Variants in DSCAM observed in about 807,000 individuals in gnomAD.
DSCAM encodes DS cell adhesion molecule.
DSCAM carries 47 observed loss-of-function variants against 217.7 expected under a neutral mutation model. The ratio of observed to expected loss-of-function variants is 0.22; its 90% CI spans 0.17 to 0.28. The LOEUF (loss-of-function observed/expected upper bound fraction) is 0.28, where lower values mean the gene tolerates loss of function less well. Among genes scored for constraint, DSCAM ranks in the 10% least tolerant of loss-of-function variants. The pLI, the probability that DSCAM is intolerant of heterozygous loss-of-function variation, is 1.00. For missense variants in DSCAM, 2,080 were observed against 2,618.3 expected, an observed-to-expected ratio of 0.79 and a Z score of 4.49; for synonymous variants, 1,056 against 1,015.3, an observed-to-expected ratio of 1.04 and a Z score of -0.76.
intron 3 of DSCAM, among the ~76,000 whole-genome samples, chr21:40,564,304 C>T (rs1398160845): frequency 6.6e-6 from 1 of 152,188 alleles, no homozygotes; most frequent in Non-Finnish European, 1.5e-5. Context: ...ATGAATTTTC[C>T]TGTGAGGAAC....
intron 3 of DSCAM, among the ~76,000 whole-genome samples, chr21:40,536,704 T>C (rs889265981): frequency 6.6e-6 from 1 of 152,166 alleles, no homozygotes; most frequent in Non-Finnish European, 1.5e-5. Context: ...CTGCACCCGG[T>C]CCCGGTAGAT....
intron 30 of DSCAM, among the ~76,000 whole-genome samples, chr21:40,047,767 A>ATATT (rs2088865437): frequency 6.6e-6 from 1 of 152,188 alleles, no homozygotes; most frequent in South Asian, 2.1e-4. Flanking sequence ...TAACTAAAAA[A>ATATT]TATTTATCTA....
chr21:40,295,642 C>T (rs769134347), intron 10 of DSCAM, among the ~76,000 whole-genome samples: 14 of 152,170 alleles, frequency 9.2e-5, no homozygotes, highest in Admixed American at 2.0e-4. Context: ...TTTCTAAACC[C>T]ACTCATCTCT....
At chr21:40,315,283 A>G (rs1420016983) in intron 8 of DSCAM, among the ~76,000 whole-genome samples, 1 of 152,018 alleles carries the variant, frequency 6.6e-6, no homozygotes, top group Non-Finnish European at 1.5e-5. Flanking sequence ...GTGCACCTAT[A>G]GTCCCAGCTA....
intron 3 of DSCAM, among the ~76,000 whole-genome samples, chr21:40,518,281 TC>T (rs1341627054): frequency 1.6e-5 from 2 of 121,386 alleles, no homozygotes; most frequent in Non-Finnish European, 3.4e-5. Context: ...ACAAGCCCAG[TC>T]ATCTGCTGAC....
intron 21 of DSCAM, among the ~76,000 whole-genome samples, chr21:40,088,707 G>C (rs538381659): frequency 2.1e-4 from 32 of 152,302 alleles, no homozygotes; most frequent in Admixed American, 5.9e-4. Flanking sequence ...TTCCTGCATT[G>C]GTAGCTTTTG....
At chr21:40,821,994 A>G (rs1340087005) in intron 1 of DSCAM, among the ~76,000 whole-genome samples, 1 of 151,368 alleles carries the variant, frequency 6.6e-6, no homozygotes, top group Admixed American at 6.6e-5. Flanking sequence ...AAATCTGCGC[A>G]TGTATCCCCG....
intron 19 of DSCAM, among the ~76,000 whole-genome samples, chr21:40,130,752 G>A (rs1252733449): frequency 6.6e-6 from 1 of 152,200 alleles, no homozygotes; most frequent in Non-Finnish European, 1.5e-5. Context: ...GAAACTACCT[G>A]TAGAGAACAA....
intron 20 of DSCAM, among the ~76,000 whole-genome samples, chr21:40,110,746 G>T (rs150448470): frequency 6.6e-6 from 1 of 152,206 alleles, no homozygotes; most frequent in African/African-American, 2.4e-5. Flanking sequence ...GAAAACCACA[G>T]CATGAGAACT....
At chr21:40,603,528 G>A (rs1457047674) in intron 3 of DSCAM, among the ~76,000 whole-genome samples, 1 of 152,068 alleles carries the variant, frequency 6.6e-6, no homozygotes, top group Non-Finnish European at 1.5e-5. Context: ...ATGTAAATCT[G>A]AATTTCTGAC....
intron 1 of DSCAM, among the ~76,000 whole-genome samples, chr21:40,828,531 G>A (rs1012266892): frequency 3.9e-5 from 6 of 152,100 alleles, no homozygotes; most frequent in Non-Finnish European, 5.9e-5. Context: ...ATGGCACTCC[G>A]CTCATAGGGA....
At chr21:40,843,668 C>T (rs1265996805) in intron 1 of DSCAM, among the ~76,000 whole-genome samples, 1 of 151,936 alleles carries the variant, frequency 6.6e-6, no homozygotes, top group Non-Finnish European at 1.5e-5. Context: ...AACAGAAGCT[C>T]GCGTGTATTT....
intron 3 of DSCAM, among the ~76,000 whole-genome samples, chr21:40,564,394 G>T (rs147174669): frequency 1.3e-5 from 2 of 152,302 alleles, no homozygotes; most frequent in African/African-American, 4.8e-5. Context: ...TAAATTTGGA[G>T]AAATTGTTCT....
intron 1 of DSCAM, among the ~76,000 whole-genome samples, chr21:40,801,601 A>G (rs1208745967): frequency 6.6e-6 from 1 of 152,226 alleles, no homozygotes; most frequent in Non-Finnish European, 1.5e-5. Context: ...CCATAGGCTC[A>G]GTGCCCAAGG....
At chr21:40,567,558 C>T (rs2076774127) in intron 3 of DSCAM, among the ~76,000 whole-genome samples, 1 of 152,228 alleles carries the variant, frequency 6.6e-6, no homozygotes, top group African/African-American at 2.4e-5. Context: ...CTTCAAGGAA[C>T]ACAGACAAAC....
intron 3 of DSCAM, among the ~76,000 whole-genome samples, chr21:40,642,496 C>A (rs2089895084): frequency 6.6e-6 from 1 of 152,164 alleles, no homozygotes; most frequent in African/African-American, 2.4e-5. Flanking sequence ...TTTCTGCCCC[C>A]AGTTACAGGA....
chr21:40,790,490 G>C (rs890856025), intron 1 of DSCAM, among the ~76,000 whole-genome samples: 2 of 152,156 alleles, frequency 1.3e-5, no homozygotes, highest in Non-Finnish European at 2.9e-5. Flanking sequence ...ACCTATACTA[G>C]TTCTGACAGC....
chr21:40,742,015 C>T (rs189343811), intron 1 of DSCAM, among the ~76,000 whole-genome samples: 13 of 152,312 alleles, frequency 8.5e-5, no homozygotes, highest in Middle Eastern at 3.4e-3. Flanking sequence ...AAGCCCACCA[C>T]GTACAGCCAC....
chr21:40,069,733 T>C (rs1051083286), intron 27 of DSCAM, among the ~76,000 whole-genome samples: 12 of 152,202 alleles, frequency 7.9e-5, no homozygotes, highest in African/African-American at 2.9e-4. Context: ...CAACAGTCCC[T>C]GCCTTTCTGT....
Sources: allele counts gnomAD v4.1 joint callset (sites outside exome capture counted in the v4.1 genomes callset), GRCh38; gene constraint gnomAD v4.1.1; transcripts MANE v1.5; gene names NCBI Gene and HGNC (gene_info 2026-07-23, HGNC 2026-07-21).